Variants in FRMD6 observed in about 807,000 individuals in gnomAD.
FRMD6 encodes the protein FERM domain-containing protein 6.
FRMD6 carries 37 observed loss-of-function variants against 73.2 expected under a neutral mutation model. That is an observed-to-expected ratio of 0.51 (90% CI 0.39 to 0.66). The LOEUF is 0.66. Among genes scored for constraint, FRMD6 ranks in the 30% least tolerant of loss-of-function variants. The pLI is 0.00. For missense variants in FRMD6, 714 were observed against 780.5 expected (o/e 0.91, Z 1.02); for synonymous variants, 273 against 282.2 (o/e 0.97, Z 0.33).
intron 1 of FRMD6, among the ~76,000 whole-genome samples, chr14:51,542,202 T>C (rs2139377232): frequency 6.6e-6 from 1 of 152,206 alleles, no homozygotes; most frequent in East Asian, 1.9e-4. Flanking sequence ...ATTCACAGTG[T>C]TGTGCAACCC....
chr14:51,520,570 G>A (rs1596532089), intron 1 of FRMD6, among the ~76,000 whole-genome samples: 1 of 152,288 alleles, frequency 6.6e-6, no homozygotes, highest in Middle Eastern at 3.4e-3. Context: ...TATACGAAGT[G>A]TGATATATCC....
chr14:51,513,450 C>G (rs1461781666), intron 1 of FRMD6, among the ~76,000 whole-genome samples: 1 of 152,156 alleles, frequency 6.6e-6, no homozygotes, highest in Non-Finnish European at 1.5e-5. Context: ...TTCGGCCGAG[C>G]CATTGACAGC....
chr14:51,514,592 A>G (rs139115469), intron 1 of FRMD6, among the ~76,000 whole-genome samples: 2,054 of 152,314 alleles, frequency 0.013, 39 homozygotes, highest in African/African-American at 0.047. Flanking sequence ...TCGTGCCTAT[A>G]ATCCCAGCAC....
At chr14:51,586,485 G>A (rs944197857) in intron 2 of FRMD6, among the ~76,000 whole-genome samples, 3 of 152,090 alleles carry the variant, frequency 2.0e-5, no homozygotes, top group African/African-American at 7.2e-5. Flanking sequence ...CTAGCCCTTT[G>A]TTGGATCCAT....
At chr14:51,410,203 G>C in the FRMD6 span, among the ~76,000 whole-genome samples, 46 of 152,166 alleles carry the variant, frequency 3.0e-4, 1 homozygote, top group African/African-American at 1.1e-3. Flanking sequence ...GCTTTTCTCT[G>C]TAAAGAATCT....
chr14:51,457,602 T>C, the FRMD6 span, among the ~76,000 whole-genome samples: 1 of 152,210 alleles, frequency 6.6e-6, no homozygotes, highest in South Asian at 2.1e-4. Flanking sequence ...ACCTGAGCTG[T>C]GCTTTCTAAG....
intron 8 of FRMD6, 121 bp downstream of exon 8, chr14:51,711,717 A>G: frequency 2.9e-6 from 2 of 689,720 alleles, no homozygotes; most frequent in South Asian, 1.8e-5. Flanking sequence ...ATCATTTCCC[A>G]TTTGTCTAGC....
chr14:51,446,695 G>T, the FRMD6 span, among the ~76,000 whole-genome samples: 1 of 152,172 alleles, frequency 6.6e-6, no homozygotes, highest in Non-Finnish European at 1.5e-5. Context: ...TGCCCTCAAG[G>T]TACTCTTGTG....
At chr14:51,494,037 C>A (rs1485520348) in intron 1 of FRMD6, among the ~76,000 whole-genome samples, 1 of 152,158 alleles carries the variant, frequency 6.6e-6, no homozygotes, top group African/African-American at 2.4e-5. Flanking sequence ...AATAAGGGCA[C>A]TAATCCCAAT....
At chr14:51,555,608 GC>G (rs2139465465) in intron 1 of FRMD6, among the ~76,000 whole-genome samples, 1 of 152,156 alleles carries the variant, frequency 6.6e-6, no homozygotes, top group South Asian at 2.1e-4. Context: ...TTTGAGACCA[GC>G]CTGACCAACA....
intron 2 of FRMD6, among the ~76,000 whole-genome samples, chr14:51,690,564 TTAG>T (rs2140362680): frequency 1.3e-5 from 2 of 152,270 alleles, no homozygotes; most frequent in South Asian, 4.1e-4. Flanking sequence ...TTTTTATATT[TTAG>T]TAGCGACGGG....
chr14:51,472,129 C>T, the FRMD6 span, among the ~76,000 whole-genome samples: 3 of 152,030 alleles, frequency 2.0e-5, no homozygotes, highest in East Asian at 5.8e-4. Flanking sequence ...GCATATATTT[C>T]CCCTAAGTGA....
chr14:51,428,955 G>A, the FRMD6 span, among the ~76,000 whole-genome samples: 1 of 56,862 alleles, frequency 1.8e-5, no homozygotes, highest in East Asian at 5.7e-4. Flanking sequence ...AGAGACAGAG[G>A]GGGAGAGAGA....
chr14:51,470,072 C>A, the FRMD6 span, among the ~76,000 whole-genome samples: 2 of 152,066 alleles, frequency 1.3e-5, no homozygotes. Context: ...TTGTTTATAA[C>A]ATAAAGTTTT....
intron 1 of FRMD6, among the ~76,000 whole-genome samples, chr14:51,562,522 G>T (rs1887539664): frequency 6.6e-6 from 1 of 152,158 alleles, no homozygotes; most frequent in South Asian, 2.1e-4. Context: ...CATGCGTGGG[G>T]ACTGCATGAG....
At chr14:51,610,980 A>C (rs1890469723) in intron 2 of FRMD6, among the ~76,000 whole-genome samples, 1 of 152,210 alleles carries the variant, frequency 6.6e-6, no homozygotes, top group Non-Finnish European at 1.5e-5. Flanking sequence ...TACAGGCATA[A>C]GAGAAATTGG....
At chr14:51,556,847 T>TC (rs11451468) in intron 1 of FRMD6, among the ~76,000 whole-genome samples, 83,415 of 151,926 alleles carry the variant, frequency 0.55, 23,330 homozygotes, top group African/African-American at 0.64. Context: ...AACCAAAACT[T>TC]TATTCAAGTG....
chr14:51,662,705 C>T (rs552287797), intron 1 of FRMD6, among the ~76,000 whole-genome samples: 1 of 152,244 alleles, frequency 6.6e-6, no homozygotes, highest in South Asian at 2.1e-4. Context: ...GGAAGACAAC[C>T]TAGGCAATAC....
At chr14:51,469,969 T>C in the FRMD6 span, among the ~76,000 whole-genome samples, 1 of 151,994 alleles carries the variant, frequency 6.6e-6, no homozygotes, top group Non-Finnish European at 1.5e-5. Context: ...AAGAAGTTAA[T>C]ACTTACATAG....
Sources: gnomAD v4.1 joint callset for allele counts (sites outside exome capture counted in the v4.1 genomes callset) on GRCh38, gnomAD v4.1.1 for gene constraint, MANE v1.5 for transcripts, NCBI Gene and HGNC (gene_info 2026-07-23, HGNC 2026-07-21) for gene names.